REV1: variants seen among roughly 807,000 people sequenced by gnomAD.
The protein encoded by REV1 is translesion synthesis protein REV1.
A neutral mutation model predicts 137.4 loss-of-function variants in REV1; 42 were observed. The observed-to-expected ratio is 0.31, with a 90% CI of 0.24 to 0.40. The LOEUF (loss-of-function observed/expected upper bound fraction) is 0.40, where lower values mean the gene tolerates loss of function less well. REV1 is among the 10% of genes least tolerant of loss of function. The pLI, the probability that REV1 is intolerant of heterozygous loss-of-function variation, is 1.00. For synonymous variants in REV1, 524 were observed against 519.2 expected, an observed-to-expected ratio of 1.01 and a Z score of -0.12; for missense variants, 1,282 against 1,490.1, an observed-to-expected ratio of 0.86 and a Z score of 2.30.
At chr2:99,402,066 G>C (rs1559270630) in intron 22 of REV1, among the ~76,000 whole-genome samples, 178 bp downstream of exon 22, 1 of 152,268 alleles carries the variant, frequency 6.6e-6, no homozygotes, top group South Asian at 2.1e-4. Context: ...GTAAGACCTT[G>C]AGGGCAACAT....
intron 1 of REV1, among the ~76,000 whole-genome samples, chr2:99,470,619 G>GT (rs1176306476): frequency 5.3e-5 from 8 of 152,206 alleles, no homozygotes; most frequent in African/African-American, 1.4e-4. Context: ...ATTTGAAGGT[G>GT]TTTTTACCTT....
At chr2:99,466,116 C>CT (rs1035622606) in intron 1 of REV1, among the ~76,000 whole-genome samples, 23 of 151,284 alleles carry the variant, frequency 1.5e-4, no homozygotes, top group African/African-American at 4.1e-4. Context: ...TATTATTTTT[C>CT]TTTTTTTTGT....
intron 1 of REV1, among the ~76,000 whole-genome samples, chr2:99,488,147 T>C (rs1227765447): frequency 8.4e-6 from 1 of 118,968 alleles, no homozygotes; most frequent in East Asian, 2.2e-4. Flanking sequence ...TGCTTTCAAA[T>C]ATATATTATA....
At chr2:99,424,125 A>C (rs1031077799) in intron 10 of REV1, 27 bp downstream of exon 10, 2 of 1,604,368 alleles carry the variant, frequency 1.2e-6, no homozygotes, top group Non-Finnish European at 1.7e-6. Context: ...AAACACAGAC[A>C]CAAAATGACA....
chr2:99,434,964 G>C (rs1021407108), intron 7 of REV1, among the ~76,000 whole-genome samples: 1 of 151,942 alleles, frequency 6.6e-6, no homozygotes, highest in Non-Finnish European at 1.5e-5. Flanking sequence ...TTACTTTCCT[G>C]TATCATTTCC....
At chr2:99,478,852 G>A (rs1442289319) in intron 1 of REV1, among the ~76,000 whole-genome samples, 1 of 152,152 alleles carries the variant, frequency 6.6e-6, no homozygotes, top group Non-Finnish European at 1.5e-5. Flanking sequence ...CACACACTTT[G>A]AGAACCACTG....
intron 1 of REV1, among the ~76,000 whole-genome samples, chr2:99,489,204 A>G (rs1285576924): frequency 6.6e-6 from 1 of 152,232 alleles, no homozygotes; most frequent in Non-Finnish European, 1.5e-5. Flanking sequence ...ACGGACAAGC[A>G]GCAAGGAAAA....
At position 99,400,617 on chromosome 2, in the gene REV1, C is replaced by A. The variant is rs927449670; in HGVS notation, c.*624G>T. 1 of 152,124 alleles carries A rather than the reference C, an allele frequency of 6.6e-6. No homozygotes were observed. The highest frequency in any genetic ancestry group is 2.4e-5 in the African/African-American group (1 of 41,416). 9.4% of individuals were successfully genotyped at this position (152,124 alleles called of 1,614,324 possible). On this transcript the variant is annotated 3_prime_UTR_variant, in exon 23 of 23. Transcript: ENST00000258428. Reference sequence around the variant, plus strand: ...CAGTAGAAGCAAAAAGACAACACCACCTCTGATCTACGGGACATAATGTTC... The same window carrying A: ...CAGTAGAAGCAAAAAGACAACACCAACTCTGATCTACGGGACATAATGTTC...
intron 1 of REV1, among the ~76,000 whole-genome samples, chr2:99,467,872 C>A (rs936629106): frequency 5.3e-5 from 8 of 152,120 alleles, no homozygotes; most frequent in African/African-American, 1.9e-4. Flanking sequence ...ATGGTGAAAT[C>A]CCATGTCTAT....
intron 3 of REV1, among the ~76,000 whole-genome samples, chr2:99,453,081 C>T (rs1683103442): frequency 6.6e-6 from 1 of 152,136 alleles, no homozygotes; most frequent in Admixed American, 6.5e-5. Context: ...AATTATGTGG[C>T]CAGGTGCAGT....
At chr2:99,439,454 GA>G (rs943299702) in intron 5 of REV1, 144 bp from the exon 6 acceptor site, 6,525 of 355,976 alleles carry the variant, frequency 0.018, no homozygotes, top group South Asian at 0.029. Flanking sequence ...TATTGACAAT[GA>G]AAAAAAAAAA....
chr2:99,476,456 T>C (rs1014580487), intron 1 of REV1, among the ~76,000 whole-genome samples: 2 of 152,064 alleles, frequency 1.3e-5, no homozygotes, highest in South Asian at 4.1e-4. Flanking sequence ...CTCAGGAAGC[T>C]GAGGCAGGAG....
chr2:99,410,814 T>C lies in REV1; in HGVS notation c.2226A>G (p.Arg742=). The C allele has an allele frequency of 6.2e-7, 1 of 1,606,392 alleles. No individual in the cohort carries two copies. The highest frequency in any genetic ancestry group is 1.3e-5 in the African/African-American group (1 of 74,278). ...TACCCTTCATGCCAGTGGCTTCTAGTCTTCTTTGAATTTCTTCTGAAAGAC... is the reference window on the plus strand; with the variant it reads ...TACCCTTCATGCCAGTGGCTTCTAGCCTTCTTTGAATTTCTTCTGAAAGAC... ...LLSLSEEIQR[R]LEATGMKGKR... Residue 742 remains arginine (R), a synonymous_variant, in exon 14 of 23, where the codon AGA becomes AGG. Coordinates refer to ENST00000258428, the MANE Select transcript of REV1 (RefSeq NM_016316.4).
chr2:99,439,113 C>A lies in REV1; in HGVS notation c.701G>T (p.Gly234Val). 1 of 1,614,142 alleles carries A rather than the reference C, an allele frequency of 6.2e-7. No individual in the cohort carries two copies. Among genetic ancestry groups the A allele is most frequent in the Non-Finnish European group, 8.5e-7 (1 of 1,180,022 alleles). ...IFNGHTPSSNGALKTQDCLVP... is the reference protein window; with the variant it reads ...IFNGHTPSSNVALKTQDCLVP... ...CAAGCAATCCTGTGTCTTTAAGGCA[C>A]CATTAGAGCTAGGAGTGTGTCCATT... The change falls in exon 6 of 23, where the codon GGT (glycine) becomes GTT (valine). Residue 234 changes from glycine (G) to valine (V), a missense_variant. By Grantham distance (109) the Gly-to-Val change is moderately radical. Transcript: ENST00000258428.
upstream of REV1, among the ~76,000 whole-genome samples, chr2:99,490,191 C>G (rs1051194276): frequency 6.6e-6 from 1 of 151,284 alleles, no homozygotes; most frequent in Non-Finnish European, 1.5e-5. Flanking sequence ...CGTCGGCCTC[C>G]GTGTTCCTCC....
At chr2:99,459,906 T>C (rs1683988866) in intron 3 of REV1, among the ~76,000 whole-genome samples, 1 of 152,132 alleles carries the variant, frequency 6.6e-6, no homozygotes, top group African/African-American at 2.4e-5. Flanking sequence ...GAGGCTCAAA[T>C]GGCTGAACTG....
At chr2:99,420,559 C>T (rs1678521905) in intron 11 of REV1, among the ~76,000 whole-genome samples, 1 of 152,238 alleles carries the variant, frequency 6.6e-6, no homozygotes, top group South Asian at 2.1e-4. Context: ...CTTCTGTCTC[C>T]TAACCACCCT....
chr2:99,405,937 C>T lies in REV1; in HGVS notation c.2784G>A (p.Leu928=). ...GGGAAGGTGACGGGACCTCTATACT[C>T]AGGTTAAGTCTCGACTGCACACTGA... ...TPVSVQSRLN[L]SIEVPSPSQL... The change falls in exon 17 of 23, where the codon CTG becomes CTA. Residue 928 remains leucine (L), a synonymous_variant. Coordinates refer to ENST00000258428, the MANE Select transcript of REV1 (RefSeq NM_016316.4). 6.3e-7 allele frequency: 1 copy of T among 1,594,596 alleles called. No homozygotes were observed. Among genetic ancestry groups the T allele is most frequent in the Non-Finnish European group, 8.5e-7 (1 of 1,170,656 alleles).
At chr2:99,433,149 ATC>A (rs1680327735) in intron 8 of REV1, among the ~76,000 whole-genome samples, 1 of 152,154 alleles carries the variant, frequency 6.6e-6, no homozygotes, top group African/African-American at 2.4e-5. Flanking sequence ...TTAAGATTTC[ATC>A]TGTTTAATAG....
Sources: allele counts gnomAD v4.1 joint callset (sites outside exome capture counted in the v4.1 genomes callset), GRCh38; gene constraint gnomAD v4.1.1; transcripts MANE v1.5; gene names NCBI Gene and HGNC (gene_info 2026-07-23, HGNC 2026-07-21).